Variants in LRRC3B observed in about 807,000 individuals in gnomAD.
LRRC3B encodes leucine rich repeat containing 3B.
Under a neutral mutation model 12.8 loss-of-function variants are expected in LRRC3B, and 2 were observed. The observed-to-expected ratio is 0.16, with a 90% CI of 0.06 to 0.49. LRRC3B has a LOEUF of 0.49. Among genes scored for constraint, LRRC3B ranks in the 20% least tolerant of loss-of-function variants. The pLI is 0.96. For missense variants in LRRC3B, 189 were observed against 319.4 expected (o/e 0.59, Z 3.11); for synonymous variants, 132 against 122.0 (o/e 1.08, Z -0.54).
chr3:26,626,823 C>G (rs57973840), intron 1 of LRRC3B, among the ~76,000 whole-genome samples: 4,558 of 152,198 alleles, frequency 0.03, 249 homozygotes, highest in African/African-American at 0.1. Context: ...CTGGATGATT[C>G]TAAATAAGAT....
At chr3:26,693,929 G>T (rs550226591) in intron 1 of LRRC3B, among the ~76,000 whole-genome samples, 10 of 152,268 alleles carry the variant, frequency 6.6e-5, no homozygotes, top group African/African-American at 2.4e-4. Flanking sequence ...AGTATGTCTA[G>T]TTTAAGTCCA....
At chr3:26,675,144 A>G (rs553077050) in intron 1 of LRRC3B, among the ~76,000 whole-genome samples, 2 of 152,348 alleles carry the variant, frequency 1.3e-5, no homozygotes, top group East Asian at 1.9e-4. Context: ...ATTCTATTGC[A>G]TATAAGTAGA....
intron 1 of LRRC3B, among the ~76,000 whole-genome samples, chr3:26,688,902 A>G (rs1455406449): frequency 1.3e-5 from 2 of 152,216 alleles, no homozygotes; most frequent in Non-Finnish European, 2.9e-5. Flanking sequence ...ATTTCCACAA[A>G]TAATTGTTGG....
chr3:26,667,079 AT>A (rs59880034), intron 1 of LRRC3B, among the ~76,000 whole-genome samples: 6 of 144,926 alleles, frequency 4.1e-5, no homozygotes, highest in South Asian at 2.2e-4. Flanking sequence ...TCCCTCTGTG[AT>A]TTTTTTTTAA....
intron 1 of LRRC3B, among the ~76,000 whole-genome samples, chr3:26,646,632 A>C (rs74427553): frequency 0.27 from 34,179 of 127,818 alleles, 5,714 homozygotes; most frequent in African/African-American, 0.46. Flanking sequence ...AAAAAAAAAA[A>C]AAAACGGATT....
At chr3:26,705,650 G>A (rs1280270724) in intron 1 of LRRC3B, among the ~76,000 whole-genome samples, 1 of 152,088 alleles carries the variant, frequency 6.6e-6, no homozygotes, top group Non-Finnish European at 1.5e-5. Flanking sequence ...TTGGGTTTGT[G>A]TGTAGTTGTG....
At chr3:26,689,226 A>C (rs530947963) in intron 1 of LRRC3B, among the ~76,000 whole-genome samples, 2 of 152,306 alleles carry the variant, frequency 1.3e-5, no homozygotes, top group South Asian at 4.2e-4. Context: ...GGTACATTTA[A>C]AGTGAAAAAT....
At chr3:26,687,423 G>A (rs1367077244) in intron 1 of LRRC3B, among the ~76,000 whole-genome samples, 9 of 152,056 alleles carry the variant, frequency 5.9e-5, no homozygotes. Context: ...TTTCTCTCTA[G>A]TTCTGAGGGG....
intron 1 of LRRC3B, among the ~76,000 whole-genome samples, chr3:26,643,281 C>T (rs200261676): frequency 0.068 from 7,300 of 106,870 alleles, 439 homozygotes; most frequent in East Asian, 0.22. Flanking sequence ...TGTGTGTATA[C>T]ATGTATATGT....
chr3:26,705,127 A>G (rs1260172125), intron 1 of LRRC3B, among the ~76,000 whole-genome samples: 1 of 152,182 alleles, frequency 6.6e-6, no homozygotes, highest in Non-Finnish European at 1.5e-5. Context: ...ACAGTTGTTA[A>G]TCAGCCACTG....
At chr3:26,630,408 A>G (rs143918353) in intron 1 of LRRC3B, among the ~76,000 whole-genome samples, 4 of 152,340 alleles carry the variant, frequency 2.6e-5, no homozygotes, top group African/African-American at 9.6e-5. Context: ...GCACAAACCA[A>G]TTTTATTGAA....
intron 1 of LRRC3B, among the ~76,000 whole-genome samples, chr3:26,625,810 G>C (rs1411541386): frequency 6.6e-6 from 1 of 152,214 alleles, no homozygotes. Context: ...CTTTGATGTT[G>C]TGTGTGTTTG....
rs189897447 is a variant in LRRC3B, at chr3:26,630,076, A to G, written c.-161+6839A>G. The stretch of plus-strand genomic sequence containing the variant: ...TAAACCTAAACCAAAGGATAAGGGG[A>G]AAAAAAAATCCCATAAGAATAAGAG... On this transcript the variant is annotated intron_variant, in intron 1 of 1. Transcript: ENST00000396641. Among the ~76,000 whole-genome samples the G allele has an allele frequency of 6.3e-3, 957 of 151,720 alleles. 12 individuals are homozygous for G. The highest frequency in any genetic ancestry group is 0.021 in the African/African-American group (848 of 41,348).
In LRRC3B at chr3:26,659,887, C is replaced by A. The variant is rs1039716708; in HGVS notation, c.-161+36650C>A. 6.6e-5 allele frequency among the ~76,000 whole-genome samples: 10 copies of A among 152,294 alleles called. No individual in the cohort carries two copies. The East Asian group carries it at 1.9e-3, about 29-fold the overall frequency. On this transcript the variant is annotated intron_variant, in intron 1 of 1. Transcript: ENST00000396641. ...ATTCTCTAACGCCTCCTGTATTTAGCTCTTTCTTTTGGAAAGGTGTTTCAT... is the reference window on the plus strand; with the variant it reads ...ATTCTCTAACGCCTCCTGTATTTAGATCTTTCTTTTGGAAAGGTGTTTCAT...
intron 1 of LRRC3B, among the ~76,000 whole-genome samples, chr3:26,667,829 G>T (rs995793919): frequency 2.6e-5 from 4 of 152,130 alleles, no homozygotes; most frequent in Non-Finnish European, 5.9e-5. Context: ...GGATGAGCCC[G>T]GGCATTGGGA....
intron 1 of LRRC3B, among the ~76,000 whole-genome samples, chr3:26,685,919 C>G (rs1700078579): frequency 6.6e-6 from 1 of 152,026 alleles, no homozygotes; most frequent in African/African-American, 2.4e-5. Flanking sequence ...TGGTGGCAAA[C>G]ATTCTCTAAG....
At chr3:26,660,862 A>G (rs1699478564) in intron 1 of LRRC3B, among the ~76,000 whole-genome samples, 1 of 152,174 alleles carries the variant, frequency 6.6e-6, no homozygotes, top group Non-Finnish European at 1.5e-5. Context: ...TTATTTTTAC[A>G]ATGGAGATAA....
intron 1 of LRRC3B, among the ~76,000 whole-genome samples, chr3:26,641,312 G>A (rs1575119309): frequency 6.6e-6 from 1 of 152,322 alleles, no homozygotes; most frequent in East Asian, 1.9e-4. Flanking sequence ...GAAACTGGGG[G>A]TGGAGACCCA....
chr3:26,662,255 A>G (rs749595082), intron 1 of LRRC3B, among the ~76,000 whole-genome samples: 18 of 152,274 alleles, frequency 1.2e-4, no homozygotes, highest in Admixed American at 8.5e-4. Context: ...ACTCTCTGCC[A>G]TGCCCAACTT....
Sources: gnomAD v4.1 joint callset for allele counts (sites outside exome capture counted in the v4.1 genomes callset) on GRCh38, gnomAD v4.1.1 for gene constraint, MANE v1.5 for transcripts, NCBI Gene and HGNC (gene_info 2026-07-23, HGNC 2026-07-21) for gene names.